Variants in PDE4B observed in about 807,000 individuals in gnomAD.
PDE4B encodes 3',5'-cyclic-AMP phosphodiesterase 4B.
In PDE4B, 20 loss-of-function variants were observed where a neutral mutation model predicts 82.2. The observed-to-expected ratio is 0.24, with a 90% confidence interval of 0.17 to 0.35. The LOEUF (loss-of-function observed/expected upper bound fraction) is 0.35, where lower values mean the gene tolerates loss of function less well. PDE4B is among the 10% of genes least tolerant of loss of function. The pLI, the probability that PDE4B is intolerant of heterozygous loss-of-function variation, is 1.00. For synonymous variants in PDE4B, 320 were observed against 318.9 expected, an observed-to-expected ratio of 1.00 and a Z score of -0.04; for missense variants, 655 against 907.2, an observed-to-expected ratio of 0.72 and a Z score of 3.57.
intron 7 of PDE4B, among the ~76,000 whole-genome samples, chr1:66,268,680 A>G (rs1393003767): frequency 6.6e-6 from 1 of 151,058 alleles, no homozygotes; most frequent in Non-Finnish European, 1.5e-5. Context: ...AAAAAAAAAA[A>G]AAAAAAAAAA....
intron 1 of PDE4B, among the ~76,000 whole-genome samples, chr1:65,901,433 T>A (rs556970110): frequency 6.6e-6 from 1 of 152,230 alleles, no homozygotes; most frequent in African/African-American, 2.4e-5. Flanking sequence ...TTGCCAGATT[T>A]TGGTATCAGG....
At chr1:66,118,111 T>C (rs1645633881) in intron 3 of PDE4B, among the ~76,000 whole-genome samples, 1 of 152,190 alleles carries the variant, frequency 6.6e-6, no homozygotes, top group African/African-American at 2.4e-5. Context: ...AATGTCTTAT[T>C]TTGAGAAGTG....
At chr1:65,818,675 C>A (rs1226018091) in intron 1 of PDE4B, among the ~76,000 whole-genome samples, 1 of 67,902 alleles carries the variant, frequency 1.5e-5, no homozygotes, top group African/African-American at 4.5e-5. Context: ...TATATATTCA[C>A]ACACACACAC....
chr1:65,888,046 TC>T (rs1646812209), intron 1 of PDE4B, among the ~76,000 whole-genome samples: 1 of 152,118 alleles, frequency 6.6e-6, no homozygotes, highest in African/African-American at 2.4e-5. Context: ...GAAGTGTTTC[TC>T]CTTTGTTTTC....
intron 1 of PDE4B, among the ~76,000 whole-genome samples, chr1:65,826,001 A>T (rs1175568384): frequency 1.3e-5 from 2 of 152,196 alleles, no homozygotes; most frequent in African/African-American, 4.8e-5. Context: ...AACATAAGAT[A>T]TTCTGTATTC....
chr1:65,845,940 C>T (rs1646263624), intron 1 of PDE4B, among the ~76,000 whole-genome samples: 1 of 152,206 alleles, frequency 6.6e-6, no homozygotes. Flanking sequence ...TCTTGTTCTT[C>T]AAAGCCACAC....
intron 3 of PDE4B, among the ~76,000 whole-genome samples, chr1:66,019,288 A>C (rs1652954189): frequency 6.6e-6 from 1 of 152,126 alleles, no homozygotes; most frequent in African/African-American, 2.4e-5. Context: ...AGAGCTATTT[A>C]AATGTCCCAT....
intron 3 of PDE4B, among the ~76,000 whole-genome samples, chr1:66,205,120 C>T (rs1220621289): frequency 6.6e-6 from 1 of 152,196 alleles, no homozygotes; most frequent in Non-Finnish European, 1.5e-5. Flanking sequence ...GCATTATACT[C>T]TCTCTCCTTT....
At chr1:65,910,004 A>T (rs1647072013) in intron 1 of PDE4B, among the ~76,000 whole-genome samples, 1 of 152,212 alleles carries the variant, frequency 6.6e-6, no homozygotes, top group Non-Finnish European at 1.5e-5. Context: ...TGATAGGTTA[A>T]TAGTCTTGGT....
intron 7 of PDE4B, among the ~76,000 whole-genome samples, chr1:66,319,730 C>A (rs1289975575): frequency 6.6e-6 from 1 of 152,092 alleles, no homozygotes; most frequent in Non-Finnish European, 1.5e-5. Context: ...GACAATAATA[C>A]CTCTCTCGAA....
At chr1:65,905,741 T>C (rs140201259) in intron 1 of PDE4B, among the ~76,000 whole-genome samples, 14 of 152,214 alleles carry the variant, frequency 9.2e-5, no homozygotes, top group African/African-American at 3.4e-4. Flanking sequence ...ATTTTGCCCA[T>C]AGAGGTGGCT....
At chr1:66,262,597 C>A (rs141524372) in intron 6 of PDE4B, among the ~76,000 whole-genome samples, 149 of 152,336 alleles carry the variant, frequency 9.8e-4, no homozygotes, top group Middle Eastern at 3.4e-3. Context: ...GGAAACTGAG[C>A]AACCAATACC....
chr1:65,860,739 G>T (rs1302756535), intron 1 of PDE4B, among the ~76,000 whole-genome samples: 1 of 152,010 alleles, frequency 6.6e-6, no homozygotes, highest in Non-Finnish European at 1.5e-5. Flanking sequence ...GATCACTATT[G>T]TAACTGTCAT....
chr1:66,280,357 A>T lies in PDE4B; in HGVS notation c.634+14270A>T, dbSNP rs534356264. 1.3e-4 allele frequency among the ~76,000 whole-genome samples: 20 copies of T among 152,332 alleles called. No individual in the cohort carries two copies. In the South Asian group the frequency reaches 3.1e-3, roughly 24 times the overall value. On this transcript the variant is annotated intron_variant, in intron 7 of 16. Coordinates refer to ENST00000341517, the MANE Select transcript of PDE4B (RefSeq NM_002600.4). ...ACTGAGCAGACATGAGAGAAGAGAAAATCTTGGGCTTTTGCTTTACACGAA... is the reference window on the plus strand; with the variant it reads ...ACTGAGCAGACATGAGAGAAGAGAATATCTTGGGCTTTTGCTTTACACGAA...
At chr1:65,852,057 G>T (rs997540234) in intron 1 of PDE4B, among the ~76,000 whole-genome samples, 3 of 151,922 alleles carry the variant, frequency 2.0e-5, no homozygotes, top group African/African-American at 7.2e-5. Flanking sequence ...ACATCTCTAG[G>T]ATAAATTTTT....
chr1:66,363,060 G>T, intron 10 of PDE4B, 108 bp from the exon 11 acceptor site: 1 of 706,892 alleles, frequency 1.4e-6, no homozygotes, highest in Non-Finnish European at 2.4e-6. Context: ...ACTCTAAGGA[G>T]ACACTCTAAA....
chr1:66,150,911 A>G (rs1646379519), intron 3 of PDE4B, among the ~76,000 whole-genome samples: 1 of 152,120 alleles, frequency 6.6e-6, no homozygotes, highest in African/African-American at 2.4e-5. Flanking sequence ...TAATGCTTTT[A>G]TATGCTGCTG....
intron 3 of PDE4B, among the ~76,000 whole-genome samples, chr1:65,972,969 A>G (rs17128167): frequency 0.031 from 4,691 of 152,224 alleles, 238 homozygotes; most frequent in African/African-American, 0.11. Flanking sequence ...ATGTTTTTTG[A>G]TTGCATTTAG....
chr1:65,853,450 T>C (rs1646354097), intron 1 of PDE4B, among the ~76,000 whole-genome samples: 1 of 152,144 alleles, frequency 6.6e-6, no homozygotes, highest in Non-Finnish European at 1.5e-5. Context: ...CTTTTATTCT[T>C]TTTGTGACTT....
Sources: gnomAD v4.1 joint callset for allele counts (sites outside exome capture counted in the v4.1 genomes callset) on GRCh38, gnomAD v4.1.1 for gene constraint, MANE v1.5 for transcripts, NCBI Gene and HGNC (gene_info 2026-07-23, HGNC 2026-07-21) for gene names.